GHR: variants seen among roughly 807,000 people sequenced by gnomAD.
The protein encoded by GHR is growth hormone receptor.
Under a neutral mutation model 67.1 loss-of-function variants are expected in GHR, and 35 were observed. The observed-to-expected ratio is 0.52, with a 90% CI of 0.40 to 0.69. The LOEUF (loss-of-function observed/expected upper bound fraction) is 0.69. Among genes scored for constraint, GHR ranks in the 30% least tolerant of loss-of-function variants. The pLI is 0.00. For synonymous variants in GHR, 272 were observed against 269.1 expected (o/e 1.01, Z -0.10); for missense variants, 792 against 764.6 (o/e 1.04, Z -0.42).
chr5:42,550,062 T>C, intron 1 of GHR: 4 of 967,396 alleles, frequency 4.1e-6, no homozygotes, highest in Non-Finnish European at 4.9e-6. Context: ...GATTTGTTTG[T>C]ATTGTCTGCC....
intron 2 of GHR, among the ~76,000 whole-genome samples, chr5:42,577,950 A>G (rs942948064): frequency 1.3e-5 from 2 of 152,214 alleles, no homozygotes; most frequent in African/African-American, 4.8e-5. Flanking sequence ...TAAATTTCCT[A>G]TACGATATAC....
At chr5:42,596,329 A>G (rs1023706052) in intron 2 of GHR, among the ~76,000 whole-genome samples, 1 of 152,178 alleles carries the variant, frequency 6.6e-6, no homozygotes, top group Non-Finnish European at 1.5e-5. Flanking sequence ...AGGCAAGTAA[A>G]TAAAGTAAAA....
At chr5:42,583,852 TAAAG>T (rs1751324425) in intron 2 of GHR, among the ~76,000 whole-genome samples, 1 of 149,534 alleles carries the variant, frequency 6.7e-6, no homozygotes, top group Non-Finnish European at 1.5e-5. Flanking sequence ...TTGCAAAAAA[TAAAG>T]ATATATATAT....
intron 1 of GHR, among the ~76,000 whole-genome samples, chr5:42,465,186 T>C (rs1468154293): frequency 6.6e-6 from 1 of 152,098 alleles, no homozygotes; most frequent in Admixed American, 6.6e-5. Context: ...GAGTCAAGAG[T>C]TGACAAGTAG....
rs147382526 is a variant in GHR, at chr5:42,656,513, C to T, written c.136+27410C>T. On this transcript the variant is annotated intron_variant, in intron 3 of 9. Transcript: ENST00000230882. ...CACCTCTAAAGCCTATCTTTGCACT[C>T]CTGTCCATCCCCCATTCTCTATTAT... is the stretch of plus-strand genomic sequence containing the variant. Among the ~76,000 whole-genome samples, 793 of 152,230 alleles carry T rather than the reference C, an allele frequency of 5.2e-3. 3 individuals are homozygous for T. The highest frequency in any genetic ancestry group is 0.019 in the African/African-American group (770 of 41,540).
Position 42,488,322 on chromosome 5 carries a change from T to G in GHR, c.-12+64367T>G, listed in dbSNP as rs571096076. Among the ~76,000 whole-genome samples, 10 of 152,324 alleles carry G rather than the reference T, an allele frequency of 6.6e-5. No homozygotes were observed. In the South Asian group the frequency reaches 2.1e-3, roughly 32 times the overall value. Reference sequence around the variant, plus strand: ...GATGGGAAAACTGAGGTCCAGGATATAGGTAACATTTTCAAAGTTAACTCG... The same window carrying G: ...GATGGGAAAACTGAGGTCCAGGATAGAGGTAACATTTTCAAAGTTAACTCG... On this transcript the variant is annotated intron_variant, in intron 1 of 9. Transcript: ENST00000230882.
Position 42,461,590 on chromosome 5 carries a change from C to T in GHR, c.-12+37635C>T, listed in dbSNP as rs539261528. ...ATACCCCTATCATGTGCTTTCATAG[C>T]ACCATGAATGTCTCCTTGGTGGCAG... On this transcript the variant is annotated intron_variant, in intron 1 of 9. Coordinates refer to ENST00000230882, the MANE Select transcript of GHR (RefSeq NM_000163.5). Among the ~76,000 whole-genome samples, 8 of 152,302 alleles carry T rather than the reference C, an allele frequency of 5.3e-5. No homozygotes were observed. In the South Asian group the frequency reaches 1.7e-3, roughly 32 times the overall value.
chr5:42,509,865 T>G (rs2112261083), intron 1 of GHR, among the ~76,000 whole-genome samples: 1 of 152,270 alleles, frequency 6.6e-6, no homozygotes, highest in South Asian at 2.1e-4. Context: ...TGCTAGTGGG[T>G]TTTTGGAAAA....
In GHR at chr5:42,498,997, T is replaced by C. The variant is rs1746430595; in HGVS notation, c.-11-66867T>C. 1.3e-5 allele frequency among the ~76,000 whole-genome samples: 2 copies of C among 152,210 alleles called. 1 individual carries two copies. Among genetic ancestry groups the C allele is most frequent in the South Asian group, 4.1e-4 (2 of 4,834 alleles). On this transcript the variant is annotated intron_variant, in intron 1 of 9. Transcript: ENST00000230882. Reference sequence around the variant, plus strand: ...CTTGATAGAATAAAGATTATTGTTGTTCTCTAATCTCCTGGGTATGAGACA... The same window carrying C: ...CTTGATAGAATAAAGATTATTGTTGCTCTCTAATCTCCTGGGTATGAGACA...
intron 2 of GHR, among the ~76,000 whole-genome samples, chr5:42,582,896 G>A (rs1221837739): frequency 6.6e-6 from 1 of 152,242 alleles, no homozygotes; most frequent in Non-Finnish European, 1.5e-5. Flanking sequence ...GGCAGCTGGT[G>A]TACCTGGCTG....
chr5:42,592,487 G>T (rs1053096235), intron 2 of GHR, among the ~76,000 whole-genome samples: 1 of 152,166 alleles, frequency 6.6e-6, no homozygotes, highest in Non-Finnish European at 1.5e-5. Context: ...TCAGTGTTTA[G>T]CTCCCACTTA....
intron 2 of GHR, among the ~76,000 whole-genome samples, chr5:42,607,396 A>T (rs1260407550): frequency 6.6e-6 from 1 of 152,202 alleles, no homozygotes; most frequent in Non-Finnish European, 1.5e-5. Context: ...CTGATTACAA[A>T]GTGATGTGCC....
At chr5:42,533,488 A>T (rs1748071225) in intron 1 of GHR, among the ~76,000 whole-genome samples, 1 of 151,712 alleles carries the variant, frequency 6.6e-6, no homozygotes, top group Non-Finnish European at 1.5e-5. Flanking sequence ...ATTTTTTATT[A>T]CTCTAGATTT....
At chr5:42,626,021 A>T (rs1393234246) in intron 2 of GHR, among the ~76,000 whole-genome samples, 2 of 152,118 alleles carry the variant, frequency 1.3e-5, no homozygotes, top group Non-Finnish European at 2.9e-5. Context: ...TCCTGATGAG[A>T]ACCCATGGTT....
At chr5:42,636,433 A>C (rs1754197815) in intron 3 of GHR, among the ~76,000 whole-genome samples, 1 of 152,194 alleles carries the variant, frequency 6.6e-6, no homozygotes, top group Non-Finnish European at 1.5e-5. Context: ...TTGAAAGTTA[A>C]AGCATCCAAC....
At chr5:42,522,317 C>G (rs1157760440) in intron 1 of GHR, among the ~76,000 whole-genome samples, 1 of 152,038 alleles carries the variant, frequency 6.6e-6, no homozygotes, top group Non-Finnish European at 1.5e-5. Flanking sequence ...TTAGTATGTA[C>G]CAGAAGAAAT....
Position 42,718,184 on chromosome 5 carries a change from A to G in GHR, c.945+63A>G. ...ATTAACACCTGAAGACTCCTGTCAT[A>G]TGTTGAAGGTTTTCTGTAAGCTATA... On this transcript the variant is annotated intron_variant, in intron 9 of 9. Transcript: ENST00000230882. The G allele has an allele frequency of 3.2e-5, 28 of 880,918 alleles. No individual in the cohort carries two copies. In the South Asian group the frequency reaches 3.8e-4, roughly 12 times the overall value. The allele number at this position is 880,918 out of a possible 1,614,324, so 54.6% of individuals were successfully genotyped here.
chr5:42,558,553 T>A (rs906259480), intron 1 of GHR, among the ~76,000 whole-genome samples: 11 of 152,236 alleles, frequency 7.2e-5, no homozygotes, highest in African/African-American at 2.7e-4. Flanking sequence ...TATAAAATCA[T>A]GTTTTTATGA....
intron 1 of GHR, among the ~76,000 whole-genome samples, chr5:42,430,126 A>G (rs1743028696): frequency 1.3e-5 from 2 of 152,296 alleles, no homozygotes; most frequent in African/African-American, 2.4e-5. Context: ...GTAGGTCTGG[A>G]CAGGAGCTGG....
Sources: gnomAD v4.1 joint callset for allele counts (sites outside exome capture counted in the v4.1 genomes callset) on GRCh38, gnomAD v4.1.1 for gene constraint, MANE v1.5 for transcripts, NCBI Gene and HGNC (gene_info 2026-07-23, HGNC 2026-07-21) for gene names.